ATRNL1: variants seen among roughly 807,000 people sequenced by gnomAD.
ATRNL1 encodes attractin-like protein 1.
ATRNL1 carries 95 observed loss-of-function variants against 182.7 expected under a neutral mutation model. That is an observed-to-expected ratio of 0.52 (90% CI 0.44 to 0.62). The LOEUF (loss-of-function observed/expected upper bound fraction) is 0.62, where lower values mean the gene tolerates loss of function less well. Among genes scored for constraint, ATRNL1 ranks in the 20% least tolerant of loss-of-function variants. The pLI, the probability that ATRNL1 is intolerant of heterozygous loss-of-function variation, is 0.00. For missense variants in ATRNL1, 1,471 were observed against 1,679.5 expected, an observed-to-expected ratio of 0.88 and a Z score of 2.17; for synonymous variants, 576 against 568.3, an observed-to-expected ratio of 1.01 and a Z score of -0.19.
At chr10:115,915,914 C>A (rs904522883) in intron 28 of ATRNL1, among the ~76,000 whole-genome samples, 7 of 152,240 alleles carry the variant, frequency 4.6e-5, no homozygotes, top group African/African-American at 1.7e-4. Context: ...AAGAGATCTG[C>A]ACTCCTTTAT....
At chr10:115,181,312 T>G (rs1363875503) in intron 8 of ATRNL1, among the ~76,000 whole-genome samples, 1 of 151,880 alleles carries the variant, frequency 6.6e-6, no homozygotes, top group East Asian at 1.9e-4. Context: ...GCATATGTAA[T>G]AGATAGGAAT....
At chr10:115,772,102 A>G (rs935652077) in intron 27 of ATRNL1, among the ~76,000 whole-genome samples, 1 of 152,226 alleles carries the variant, frequency 6.6e-6, no homozygotes, top group African/African-American at 2.4e-5. Context: ...TTCTGTGGCT[A>G]GAGATGAAGT....
At chr10:115,880,915 A>G (rs576390675) in intron 28 of ATRNL1, among the ~76,000 whole-genome samples, 2 of 152,222 alleles carry the variant, frequency 1.3e-5, no homozygotes, top group Non-Finnish European at 2.9e-5. Context: ...TTGAGAAACC[A>G]AAAAGAACAA....
At chr10:115,380,230 ATGTG>A (rs1445107231) in intron 19 of ATRNL1, among the ~76,000 whole-genome samples, 8 of 152,288 alleles carry the variant, frequency 5.3e-5, no homozygotes, top group Admixed American at 5.2e-4. Flanking sequence ...GCATATGGAG[ATGTG>A]TGTATTTATT....
chr10:115,273,343 C>T (rs916697275), intron 13 of ATRNL1, among the ~76,000 whole-genome samples: 2 of 152,200 alleles, frequency 1.3e-5, no homozygotes, highest in Non-Finnish European at 2.9e-5. Flanking sequence ...GCTGATGTCA[C>T]GTTTTGGTAA....
At chr10:115,512,296 A>G (rs1418083389) in intron 24 of ATRNL1, among the ~76,000 whole-genome samples, 2 of 151,934 alleles carry the variant, frequency 1.3e-5, no homozygotes, top group Non-Finnish European at 2.9e-5. Context: ...TTTTAAAAGC[A>G]GTTGGCTAAA....
At chr10:115,765,583 T>C (rs1948837163) in intron 27 of ATRNL1, among the ~76,000 whole-genome samples, 1 of 152,244 alleles carries the variant, frequency 6.6e-6, no homozygotes. Flanking sequence ...TCCCAGTCTG[T>C]AACTTGTCTT....
intron 24 of ATRNL1, among the ~76,000 whole-genome samples, chr10:115,482,278 G>A (rs1466089270): frequency 6.6e-6 from 1 of 150,952 alleles, no homozygotes; most frequent in Non-Finnish European, 1.5e-5. Flanking sequence ...TATTCAGCAC[G>A]CAGTGGGTTC....
intron 8 of ATRNL1, among the ~76,000 whole-genome samples, chr10:115,202,550 A>T (rs1263404143): frequency 6.7e-6 from 1 of 149,080 alleles, no homozygotes; most frequent in Non-Finnish European, 1.5e-5. Flanking sequence ...ATTTGCATAT[A>T]TTGAACCAAC....
chr10:115,093,593 G>A lies in ATRNL1; in HGVS notation c.-158G>A, dbSNP rs2084931132. ...GCCGAGCGGAGGCGACGGCGGTTGG[G>A]ATCTGTCCCTCCTGACCGGGGAGCG... On this transcript the variant is annotated 5_prime_UTR_variant, in exon 1 of 29. Coordinates refer to ENST00000355044, the MANE Select transcript of ATRNL1 (RefSeq NM_207303.4). The surrounding 1 kb of genome is among the most constrained non-coding windows in gnomAD (Gnocchi z 6.1). 2.4e-6 allele frequency: 2 copies of A among 848,692 alleles called. No individual in the cohort carries two copies. The highest frequency in any genetic ancestry group is 1.9e-6 in the Non-Finnish European group (1 of 530,922). The allele number at this position is 848,692 out of a possible 1,614,324, so 52.6% of individuals were successfully genotyped here.
At chr10:115,481,935 T>C (rs1848788441) in intron 24 of ATRNL1, among the ~76,000 whole-genome samples, 1 of 151,058 alleles carries the variant, frequency 6.6e-6, no homozygotes. Flanking sequence ...AATGACTTAA[T>C]TTTTGGCAAA....
intron 28 of ATRNL1, among the ~76,000 whole-genome samples, chr10:115,914,990 T>C (rs1952800479): frequency 6.6e-6 from 1 of 152,268 alleles, no homozygotes; most frequent in African/African-American, 2.4e-5. Flanking sequence ...TAGTAAGTGA[T>C]ACTGTTTTTC....
intron 8 of ATRNL1, among the ~76,000 whole-genome samples, chr10:115,200,975 C>A (rs1445871124): frequency 6.6e-6 from 1 of 151,190 alleles, no homozygotes. Context: ...TCTCTGATGG[C>A]CAGTGATGAT....
At chr10:115,477,252 T>C (rs924668725) in intron 24 of ATRNL1, among the ~76,000 whole-genome samples, 5 of 151,572 alleles carry the variant, frequency 3.3e-5, no homozygotes, top group African/African-American at 1.2e-4. Flanking sequence ...GAAACAGAAA[T>C]CGTGCATGAC....
At chr10:115,220,772 G>A (rs746476318) in intron 9 of ATRNL1, among the ~76,000 whole-genome samples, 4 of 140,404 alleles carry the variant, frequency 2.8e-5, no homozygotes, top group Non-Finnish European at 6.1e-5. Context: ...ACTAAAATAA[G>A]TATTAGATTC....
chr10:115,777,906 A>C (rs956209127), intron 27 of ATRNL1, among the ~76,000 whole-genome samples: 1 of 152,252 alleles, frequency 6.6e-6, no homozygotes, highest in East Asian at 1.9e-4. Flanking sequence ...GATGAAAAAA[A>C]TCATTATAGC....
chr10:115,659,980 C>A (rs1860573918), intron 26 of ATRNL1, among the ~76,000 whole-genome samples: 1 of 151,976 alleles, frequency 6.6e-6, no homozygotes, highest in Non-Finnish European at 1.5e-5. Flanking sequence ...AGAAGTTTAC[C>A]TTTATTCTAA....
intron 27 of ATRNL1, among the ~76,000 whole-genome samples, chr10:115,733,174 T>C (rs1241872687): frequency 6.6e-6 from 1 of 152,174 alleles, no homozygotes. Flanking sequence ...TTAATAATTT[T>C]AAAGACAGTT....
At chr10:115,410,505 G>T (rs549180811) in intron 20 of ATRNL1, among the ~76,000 whole-genome samples, 1 of 151,798 alleles carries the variant, frequency 6.6e-6, no homozygotes, top group East Asian at 2.0e-4. Context: ...ATTTTTAGTA[G>T]AGATGCAGTT....
Sources: allele counts gnomAD v4.1 joint callset (sites outside exome capture counted in the v4.1 genomes callset), GRCh38; gene constraint gnomAD v4.1.1; non-coding constraint Gnocchi (gnomAD v3.1); transcripts MANE v1.5; gene names NCBI Gene and HGNC (gene_info 2026-07-23, HGNC 2026-07-21).